MVB12B: variants seen among roughly 807,000 people sequenced by gnomAD.
MVB12B encodes multivesicular body subunit 12B.
Under a neutral mutation model 41.6 loss-of-function variants are expected in MVB12B, and 16 were observed. The ratio of observed to expected loss-of-function variants is 0.38; its 90% CI spans 0.26 to 0.58. The LOEUF (loss-of-function observed/expected upper bound fraction) is 0.58, where lower values mean the gene tolerates loss of function less well. Among genes scored for constraint, MVB12B ranks in the 20% least tolerant of loss-of-function variants. MVB12B has a pLI of 0.62. For missense variants in MVB12B, 274 were observed against 380.2 expected, an observed-to-expected ratio of 0.72 and a Z score of 2.32; for synonymous variants, 133 against 139.7, an observed-to-expected ratio of 0.95 and a Z score of 0.34.
At chr9:126,379,791 G>T (rs1830584747) in intron 2 of MVB12B, among the ~76,000 whole-genome samples, 1 of 152,226 alleles carries the variant, frequency 6.6e-6, no homozygotes, top group African/African-American at 2.4e-5. Context: ...ACTGGGCTGG[G>T]GTCCTGGCTC....
chr9:126,468,203 T>C lies in MVB12B; in HGVS notation c.758-13166T>C, dbSNP rs1308911744. 3.3e-5 allele frequency among the ~76,000 whole-genome samples: 5 copies of C among 152,196 alleles called. No homozygotes were observed. Among genetic ancestry groups the C allele is most frequent in the African/African-American group, 9.7e-5 (4 of 41,450 alleles). On this transcript the variant is annotated intron_variant, in intron 7 of 9. Transcript: ENST00000361171. The surrounding 1 kb of genome is among the most constrained non-coding windows in gnomAD (Gnocchi z 4.3). ...TCACCATGTTCCAGAATATTTCATC[T>C]TCTCTCATGGTCTCAATTATCACCA...
chr9:126,400,949 G>A (rs763140921), intron 6 of MVB12B, among the ~76,000 whole-genome samples: 3 of 152,192 alleles, frequency 2.0e-5, no homozygotes, highest in Non-Finnish European at 4.4e-5. Flanking sequence ...GGATTTTCGG[G>A]ACATCTCATG....
At chr9:126,454,358 T>C (rs1223230563) in intron 7 of MVB12B, among the ~76,000 whole-genome samples, 1 of 152,242 alleles carries the variant, frequency 6.6e-6, no homozygotes, top group East Asian at 1.9e-4. Context: ...GCCTCTTTCC[T>C]TCATCCCCCT....
chr9:126,427,478 T>C (rs1163212647), intron 7 of MVB12B, among the ~76,000 whole-genome samples: 1 of 152,150 alleles, frequency 6.6e-6, no homozygotes, highest in Non-Finnish European at 1.5e-5. Context: ...GGAGGGTTTT[T>C]TGTCTTACGG....
chr9:126,353,151 G>A (rs1829797636), intron 2 of MVB12B, among the ~76,000 whole-genome samples: 4 of 152,202 alleles, frequency 2.6e-5, no homozygotes, highest in Admixed American at 2.6e-4. Flanking sequence ...GGGGAGATGA[G>A]ACTGGAAGGA....
intron 7 of MVB12B, among the ~76,000 whole-genome samples, chr9:126,426,682 C>G (rs547349543): frequency 6.6e-6 from 1 of 151,998 alleles, no homozygotes; most frequent in South Asian, 2.1e-4. Context: ...ATACATACGG[C>G]CAAATGAAAA....
chr9:126,470,461 G>T (rs1313315964), intron 7 of MVB12B, among the ~76,000 whole-genome samples: 3 of 152,198 alleles, frequency 2.0e-5, no homozygotes, highest in Non-Finnish European at 2.9e-5. Context: ...CCCTGGACCT[G>T]CATGAGGTTG....
rs528043657 is a variant in MVB12B at position 126,506,384 on chromosome 9, C to T, written c.*3121C>T. 6.5e-6 allele frequency: 1 copy of T among 152,708 alleles called. No homozygotes were observed. Among genetic ancestry groups the T allele is most frequent in the Non-Finnish European group, 1.5e-5 (1 of 68,052 alleles). The allele number at this position is 152,708 out of a possible 1,614,324, so 9.5% of individuals were successfully genotyped here. A position where few individuals can be genotyped will look rare whatever the true frequency, so the allele number is the denominator to read the frequency against. On this transcript the variant is annotated 3_prime_UTR_variant, in exon 10 of 10. Transcript: ENST00000361171. ...TTGGCCCACTGCTAAGCGGCAGAGG[C>T]AGGGCCAGCCATCCTGTCGCAAGCC...
rs1428578242 is a variant in MVB12B at position 126,391,194 on chromosome 9, C to T, written c.410-872C>T. On this transcript the variant is annotated intron_variant, in intron 4 of 9. Transcript: ENST00000361171. This position sits in a 1 kb window ranked among gnomAD's most constrained non-coding sequence, Gnocchi z 4.4. ...CTAGACTTACGTGTACCCCGGACGG[C>T]GTGCATGCCTAAAAAACCTAACCTG... 6.6e-6 allele frequency among the ~76,000 whole-genome samples: 1 copy of T among 152,170 alleles called. No individual in the cohort carries two copies. Among genetic ancestry groups the T allele is most frequent in the East Asian group, 1.9e-4 (1 of 5,194 alleles).
chr9:126,334,029 G>A (rs941845844), intron 1 of MVB12B, among the ~76,000 whole-genome samples: 3 of 152,144 alleles, frequency 2.0e-5, no homozygotes, highest in Non-Finnish European at 2.9e-5. Context: ...AGTATCTCAG[G>A]GGGTGGGGTT....
At chr9:126,388,210 G>A (rs1473988905) in intron 4 of MVB12B, among the ~76,000 whole-genome samples, 4 of 151,796 alleles carry the variant, frequency 2.6e-5, no homozygotes, top group Admixed American at 1.3e-4. Flanking sequence ...CCCACTCCCC[G>A]CCAGCCCTAG....
chr9:126,357,747 A>G (rs1288323086), intron 2 of MVB12B, among the ~76,000 whole-genome samples: 1 of 152,144 alleles, frequency 6.6e-6, no homozygotes, highest in Admixed American at 6.5e-5. Context: ...TTGGATATGT[A>G]TGAACTATTT....
chr9:126,434,691 C>T (rs1832423998), intron 7 of MVB12B, among the ~76,000 whole-genome samples: 1 of 152,192 alleles, frequency 6.6e-6, no homozygotes, highest in Admixed American at 6.5e-5. Flanking sequence ...AATTGCACGG[C>T]CTTCACTCAC....
chr9:126,428,179 T>C (rs887910567), intron 7 of MVB12B, among the ~76,000 whole-genome samples: 9 of 152,142 alleles, frequency 5.9e-5, no homozygotes, highest in Non-Finnish European at 1.2e-4. Context: ...GGGTGAGCCA[T>C]GTAGCTCTGA....
chr9:126,479,311 G>A (rs1833478569), intron 7 of MVB12B, among the ~76,000 whole-genome samples: 1 of 152,164 alleles, frequency 6.6e-6, no homozygotes, highest in South Asian at 2.1e-4. Context: ...GAAGGGCATG[G>A]AAGTCAGGTC....
chr9:126,408,771 A>G (rs1041262425), intron 6 of MVB12B, among the ~76,000 whole-genome samples: 11 of 152,126 alleles, frequency 7.2e-5, no homozygotes, highest in African/African-American at 2.7e-4. Flanking sequence ...GTAGAATCAC[A>G]TAGTATCTAT....
At chr9:126,422,510 A>G (rs1466123178) in intron 7 of MVB12B, among the ~76,000 whole-genome samples, 5 of 152,182 alleles carry the variant, frequency 3.3e-5, no homozygotes, top group African/African-American at 1.2e-4. Flanking sequence ...GGGAAAACTT[A>G]CAAGCCTTAT....
At chr9:126,477,096 G>C (rs537200038) in intron 7 of MVB12B, among the ~76,000 whole-genome samples, 1 of 152,028 alleles carries the variant, frequency 6.6e-6, no homozygotes, top group African/African-American at 2.4e-5. Context: ...TCTGCTTCTC[G>C]GGAAGCCCCA....
At chr9:126,410,581 T>A (rs1255644524) in intron 6 of MVB12B, among the ~76,000 whole-genome samples, 4 of 152,080 alleles carry the variant, frequency 2.6e-5, no homozygotes, top group Non-Finnish European at 5.9e-5. Context: ...GAGTGAAAAT[T>A]CCAGGAACAA....
Sources: allele counts gnomAD v4.1 joint callset (sites outside exome capture counted in the v4.1 genomes callset), GRCh38; gene constraint gnomAD v4.1.1; non-coding constraint Gnocchi (gnomAD v3.1); transcripts MANE v1.5; gene names NCBI Gene and HGNC (gene_info 2026-07-23, HGNC 2026-07-21).